Variants in RSPO2 observed in about 807,000 individuals in gnomAD.
RSPO2 encodes R-spondin-2.
Under a neutral mutation model 30.9 loss-of-function variants are expected in RSPO2, and 14 were observed. That is an observed-to-expected ratio of 0.45 (90% CI 0.30 to 0.71). The LOEUF is 0.71. Ranked by LOEUF, RSPO2 falls within the 30% of genes least tolerant of loss-of-function variation. RSPO2 has a pLI of 0.08. For missense variants in RSPO2, 264 were observed against 301.9 expected (o/e 0.87, Z 0.93); for synonymous variants, 107 against 96.4 (o/e 1.11, Z -0.64).
intron 2 of RSPO2, among the ~76,000 whole-genome samples, chr8:108,034,350 T>C (rs948150294): frequency 2.6e-5 from 4 of 152,202 alleles, no homozygotes; most frequent in Non-Finnish European, 5.9e-5. Context: ...AGAAATTTGG[T>C]TACGGTGGGT....
intron 2 of RSPO2, among the ~76,000 whole-genome samples, chr8:108,032,603 G>A (rs1811458526): frequency 6.6e-6 from 1 of 151,922 alleles, no homozygotes; most frequent in South Asian, 2.1e-4. Flanking sequence ...TCTCTTTTCA[G>A]AAGCATAATA....
intron 3 of RSPO2, among the ~76,000 whole-genome samples, chr8:107,961,778 C>A (rs1171785782): frequency 2.0e-5 from 3 of 152,126 alleles, no homozygotes; most frequent in African/African-American, 7.2e-5. Context: ...AATAGGTAGT[C>A]TGCAGATAGA....
chr8:107,993,740 G>T (rs1242924378), intron 2 of RSPO2, among the ~76,000 whole-genome samples: 1 of 152,064 alleles, frequency 6.6e-6, no homozygotes, highest in Non-Finnish European at 1.5e-5. Context: ...GTATCAGCAG[G>T]GCGTGCTTCC....
chr8:108,038,034 G>A (rs940388536), intron 2 of RSPO2, among the ~76,000 whole-genome samples: 1 of 152,118 alleles, frequency 6.6e-6, no homozygotes, highest in African/African-American at 2.4e-5. Context: ...TATTTCATAA[G>A]GCTACAGCTG....
At chr8:108,027,257 ATTT>A in intron 2 of RSPO2, among the ~76,000 whole-genome samples, 1 of 152,362 alleles carries the variant, frequency 6.6e-6, no homozygotes, top group Non-Finnish European at 1.5e-5. Flanking sequence ...CAGTAGTTAG[ATTT>A]ATCCAACTGA....
At chr8:108,048,953 T>C (rs1811990950) in intron 2 of RSPO2, among the ~76,000 whole-genome samples, 1 of 152,200 alleles carries the variant, frequency 6.6e-6, no homozygotes. Flanking sequence ...GAGCAAGTTG[T>C]TCAGTTTCCG....
chr8:108,045,855 C>T (rs114408972), intron 2 of RSPO2, among the ~76,000 whole-genome samples: 182 of 152,226 alleles, frequency 1.2e-3, no homozygotes, highest in African/African-American at 3.3e-3. Flanking sequence ...GTCGACACTC[C>T]GGAATATATC....
intron 3 of RSPO2, among the ~76,000 whole-genome samples, chr8:107,966,341 GAGAAAACA>G (rs1054462118): frequency 1.6e-4 from 25 of 152,070 alleles, no homozygotes; most frequent in African/African-American, 6.0e-4. Context: ...AAGCACAGAT[GAGAAAACA>G]AGGTCCTTAC....
chr8:107,947,941 T>A (rs187693573), intron 5 of RSPO2, among the ~76,000 whole-genome samples: 98 of 152,360 alleles, frequency 6.4e-4, no homozygotes, highest in African/African-American at 2.3e-3. Context: ...TTCTGGTGTA[T>A]CTTTCCTCAC....
intron 3 of RSPO2, among the ~76,000 whole-genome samples, chr8:107,972,652 G>A (rs1425118538): frequency 6.6e-6 from 1 of 151,956 alleles, no homozygotes; most frequent in East Asian, 1.9e-4. Context: ...GGGAGAGACT[G>A]AACATTAAAC....
At chr8:107,966,667 G>A (rs575233665) in intron 3 of RSPO2, among the ~76,000 whole-genome samples, 1 of 152,252 alleles carries the variant, frequency 6.6e-6, no homozygotes, top group Non-Finnish European at 1.5e-5. Context: ...GTGCTTTCAG[G>A]GCACTTGGCA....
At chr8:107,990,108 G>A (rs1365600369) in intron 2 of RSPO2, among the ~76,000 whole-genome samples, 2 of 152,162 alleles carry the variant, frequency 1.3e-5, no homozygotes, top group African/African-American at 4.8e-5. Flanking sequence ...AAGCAAGAAT[G>A]TGCACATTAC....
At position 107,899,359 on chromosome 8, in the gene RSPO2, CAA is replaced by C. The variant is rs1235737957; in HGVS notation, c.*1714_*1715del. 3.9e-5 allele frequency: 6 copies of C among 152,638 alleles called. No homozygotes were observed. The East Asian group carries it at 1.2e-3, about 29-fold the overall frequency. 9.5% of individuals were successfully genotyped at this position (152,638 alleles called of 1,614,324 possible). On this transcript the variant is annotated 3_prime_UTR_variant, in exon 6 of 6. Coordinates refer to ENST00000276659, the MANE Select transcript of RSPO2 (RefSeq NM_178565.5). ...TGCACAAAAAAGAACATCCCAGGAACAACAGGTATTGACTTATTAACGATGAA... is the reference window on the plus strand; with the variant it reads ...TGCACAAAAAAGAACATCCCAGGAACCAGGTATTGACTTATTAACGATGAA...
At chr8:107,972,607 C>T (rs116776800) in intron 3 of RSPO2, among the ~76,000 whole-genome samples, 1 of 151,860 alleles carries the variant, frequency 6.6e-6, no homozygotes, top group Admixed American at 6.6e-5. Flanking sequence ...TATGCACAGT[C>T]CTTAACCATA....
intron 3 of RSPO2, among the ~76,000 whole-genome samples, chr8:107,974,036 C>T (rs1315121001): frequency 2.8e-5 from 3 of 108,672 alleles, no homozygotes; most frequent in Non-Finnish European, 7.2e-5. Context: ...ATTCCACATC[C>T]TCAAACAAAC....
intron 2 of RSPO2, chr8:108,081,998 C>G (rs756243167): frequency 9.1e-6 from 8 of 874,994 alleles, no homozygotes; most frequent in Non-Finnish European, 1.1e-5. Flanking sequence ...GGTCCTCCCC[C>G]TCGACTTGGT....
rs770642308 is a variant in RSPO2 at position 107,901,067 on chromosome 8, C to T, written c.*8G>A. 6.2e-7 allele frequency: 1 copy of T among 1,610,236 alleles called. No homozygotes were observed. The highest frequency in any genetic ancestry group is 8.5e-7 in the Non-Finnish European group (1 of 1,179,186). On this transcript the variant is annotated 3_prime_UTR_variant, in exon 6 of 6. Transcript: ENST00000276659. ...AAAAACCCCTAAAAATCTACCGGATCTCTTGTTTTATTGGTTAGCTCTGTC... is the reference window on the plus strand; with the variant it reads ...AAAAACCCCTAAAAATCTACCGGATTTCTTGTTTTATTGGTTAGCTCTGTC...
chr8:107,944,501 G>T (rs1400325548), intron 5 of RSPO2, among the ~76,000 whole-genome samples: 1 of 152,076 alleles, frequency 6.6e-6, no homozygotes, highest in Non-Finnish European at 1.5e-5. Context: ...TTTCATACTG[G>T]TCTTTTGAGA....
intron 2 of RSPO2, among the ~76,000 whole-genome samples, chr8:108,049,692 T>C (rs1425056309): frequency 6.6e-6 from 1 of 152,104 alleles, no homozygotes; most frequent in African/African-American, 2.4e-5. Flanking sequence ...CTGAGAATGA[T>C]GGTTTCCAGG....
Sources: gnomAD v4.1 joint callset for allele counts (sites outside exome capture counted in the v4.1 genomes callset) on GRCh38, gnomAD v4.1.1 for gene constraint, MANE v1.5 for transcripts, NCBI Gene and HGNC (gene_info 2026-07-23, HGNC 2026-07-21) for gene names.